PUM1: variants seen among roughly 807,000 people sequenced by gnomAD.
The protein encoded by PUM1 is pumilio RNA binding family member 1, also known as pumilio homolog 1.
In PUM1, 13 loss-of-function variants were observed where a neutral mutation model predicts 131.8. That is an observed-to-expected ratio of 0.10 (90% CI 0.06 to 0.16). The LOEUF is 0.16. Ranked by LOEUF, PUM1 falls within the 10% of genes least tolerant of loss-of-function variation. The pLI is 1.00. For missense variants in PUM1, 961 were observed against 1,512.4 expected (o/e 0.64, Z 6.05); for synonymous variants, 509 against 556.5 (o/e 0.91, Z 1.20).
chr1:31,041,374 G>A (rs1356159837), intron 2 of PUM1, among the ~76,000 whole-genome samples: 1 of 151,042 alleles, frequency 6.6e-6, no homozygotes, highest in Non-Finnish European at 1.5e-5. Context: ...ATCACGGCCA[G>A]TCAAAAAGTA....
chr1:31,005,650 T>C (rs1642373671), intron 5 of PUM1, among the ~76,000 whole-genome samples: 1 of 152,262 alleles, frequency 6.6e-6, no homozygotes, highest in Non-Finnish European at 1.5e-5. Flanking sequence ...ATTATTACTT[T>C]AGTTTTTAAA....
chr1:30,943,276 T>C (rs1639535362), intron 18 of PUM1, among the ~76,000 whole-genome samples: 1 of 152,168 alleles, frequency 6.6e-6, no homozygotes, highest in Admixed American at 6.5e-5. Context: ...TTTTTTTTTT[T>C]TATTAGACAG....
chr1:30,990,248 G>C (rs188688399), intron 7 of PUM1, among the ~76,000 whole-genome samples: 20 of 152,334 alleles, frequency 1.3e-4, no homozygotes, highest in Non-Finnish European at 2.8e-4. Flanking sequence ...AGGAAATGGG[G>C]TAAGGTTCAG....
intron 1 of PUM1, among the ~76,000 whole-genome samples, chr1:31,061,267 T>C (rs1167969111): frequency 1.3e-5 from 2 of 152,122 alleles, no homozygotes; most frequent in African/African-American, 4.8e-5. Flanking sequence ...AAGACCAGCC[T>C]AGGCAACACA....
intron 14 of PUM1, among the ~76,000 whole-genome samples, chr1:30,954,761 G>T (rs1364114326): frequency 6.6e-6 from 1 of 151,990 alleles, no homozygotes; most frequent in Admixed American, 6.6e-5. Context: ...TGACCAAAAG[G>T]CGTATCAAAA....
intron 10 of PUM1, among the ~76,000 whole-genome samples, chr1:30,974,041 T>C (rs1037695359): frequency 1.3e-5 from 2 of 151,354 alleles, no homozygotes; most frequent in Non-Finnish European, 2.9e-5. Flanking sequence ...TGAGCTGAGA[T>C]TGCACCACGG....
At chr1:30,960,228 T>C (rs1355299532) in intron 14 of PUM1, among the ~76,000 whole-genome samples, 5 of 152,266 alleles carry the variant, frequency 3.3e-5, no homozygotes, top group Non-Finnish European at 7.3e-5. Context: ...ACGTGAATTA[T>C]ATCTACCAGC....
chr1:30,966,022 G>A lies in PUM1; in HGVS notation c.2046C>T (p.Gly682=), dbSNP rs769577712. 20 of 1,613,996 alleles carry A rather than the reference G, an allele frequency of 1.2e-5. No homozygotes were observed. Among genetic ancestry groups the A allele is most frequent in the Admixed American group, 6.7e-5 (4 of 59,998 alleles). The change falls in exon 13 of 22, where the codon GGC becomes GGT. Residue 682 remains glycine (G), a synonymous_variant. Coordinates refer to ENST00000426105, the MANE Select transcript of PUM1 (RefSeq NM_001020658.2). ...CTCCAAGGGCGGATCCCAGGGTGGC[G>A]CCGAGAGAACTGCTACTTCCGAATC... ...SLGFGSSSSL[G]ATLGSALGGF...
intron 14 of PUM1, among the ~76,000 whole-genome samples, chr1:30,960,568 T>C (rs996954979): frequency 2.6e-5 from 4 of 152,182 alleles, no homozygotes; most frequent in African/African-American, 9.7e-5. Flanking sequence ...ATAAGATCAA[T>C]ATACAAAAAC....
Position 30,936,842 on chromosome 1 carries a change from TGA to T in PUM1, c.3243-9_3243-8del, listed in dbSNP as rs774991909. 5 of 1,598,296 alleles carry T rather than the reference TGA, an allele frequency of 3.1e-6. No homozygotes were observed. The highest frequency in any genetic ancestry group is 4.3e-6 in the Non-Finnish European group (5 of 1,168,654). On this transcript the variant is annotated splice_polypyrimidine_tract_variant and splice_region_variant and intron_variant, in intron 20 of 21. Transcript: ENST00000426105. ...ACACTTCTCCACAACATTGCTGTAA[TGA>T]GATAAAACCAGGGACAACTCTTACA...
At chr1:30,998,601 G>C in intron 5 of PUM1, among the ~76,000 whole-genome samples, 1 of 152,116 alleles carries the variant, frequency 6.6e-6, no homozygotes, top group East Asian at 1.9e-4. Context: ...CTGTGGGGTG[G>C]GCACTTGATC....
intron 3 of PUM1, among the ~76,000 whole-genome samples, chr1:31,022,309 A>G (rs572751014): frequency 6.6e-6 from 1 of 152,336 alleles, no homozygotes; most frequent in African/African-American, 2.4e-5. Context: ...GTATGGATAA[A>G]AGAGTAACAT....
chr1:30,969,529 T>G (rs1640786820), intron 10 of PUM1, among the ~76,000 whole-genome samples: 1 of 152,130 alleles, frequency 6.6e-6, no homozygotes, highest in Admixed American at 6.5e-5. Flanking sequence ...TTCGATTTGG[T>G]AGGGCTCTCA....
At chr1:31,015,523 A>G (rs538361939) in intron 3 of PUM1, among the ~76,000 whole-genome samples, 1 of 151,502 alleles carries the variant, frequency 6.6e-6, no homozygotes, top group African/African-American at 2.4e-5. Flanking sequence ...TTATATTTTT[A>G]GTAGAGACGG....
intron 14 of PUM1, among the ~76,000 whole-genome samples, chr1:30,964,163 T>C (rs886611616): frequency 1.3e-5 from 2 of 152,206 alleles, no homozygotes; most frequent in Admixed American, 6.5e-5. Flanking sequence ...ATTAACATAC[T>C]ATATGGTTTG....
intron 1 of PUM1, among the ~76,000 whole-genome samples, chr1:31,064,823 G>C (rs1014167171): frequency 7.0e-6 from 1 of 143,014 alleles, no homozygotes; most frequent in Non-Finnish European, 1.5e-5. Flanking sequence ...CTCACTTGAC[G>C]TGGGAATGGT....
intron 2 of PUM1, among the ~76,000 whole-genome samples, chr1:31,046,533 A>G (rs1643971734): frequency 1.5e-5 from 2 of 129,786 alleles, no homozygotes; most frequent in African/African-American, 3.0e-5. Context: ...TTTGAGACAG[A>G]GCCTTGCTCT....
chr1:31,001,778 G>C (rs1642224655), intron 5 of PUM1, among the ~76,000 whole-genome samples: 1 of 152,132 alleles, frequency 6.6e-6, no homozygotes, highest in Non-Finnish European at 1.5e-5. Flanking sequence ...AAAATTGCTA[G>C]ACATACTATG....
intron 3 of PUM1, among the ~76,000 whole-genome samples, chr1:31,027,906 G>T (rs1035374808): frequency 6.6e-6 from 1 of 152,102 alleles, no homozygotes; most frequent in Non-Finnish European, 1.5e-5. Context: ...TATTAAAATC[G>T]ATGTAGGAGC....
Sources: gnomAD v4.1 joint callset for allele counts (sites outside exome capture counted in the v4.1 genomes callset) on GRCh38, gnomAD v4.1.1 for gene constraint, MANE v1.5 for transcripts, NCBI Gene and HGNC (gene_info 2026-07-23, HGNC 2026-07-21) for gene names.